The following MME variants were observed in gnomAD, a reference collection of about 807,000 sequenced individuals.
The protein encoded by MME is neprilysin.
A neutral mutation model predicts 113.2 loss-of-function variants in MME; 98 were observed. The ratio of observed to expected loss-of-function variants is 0.87; its 90% CI spans 0.74 to 1.02. MME has a LOEUF of 1.02. Ranked by LOEUF, MME falls within the 50% of genes least tolerant of loss-of-function variation. The probability of loss-of-function intolerance (pLI) is 0.00; values close to 1 mark genes in which losing one functional copy is unlikely to be tolerated. For missense variants in MME, 836 were observed against 896.0 expected (o/e 0.93, Z 0.86); for synonymous variants, 292 against 300.6 (o/e 0.97, Z 0.30).
At chr3:155,133,426 A>T (rs1720330819) in intron 8 of MME, among the ~76,000 whole-genome samples, 2 of 151,796 alleles carry the variant, frequency 1.3e-5, no homozygotes. Context: ...TGACCAGTTT[A>T]GCAGACTAGA....
chr3:155,138,915 G>C (rs115067625), intron 9 of MME, among the ~76,000 whole-genome samples: 2 of 151,980 alleles, frequency 1.3e-5, no homozygotes, highest in African/African-American at 4.8e-5. Flanking sequence ...TAAACCCATC[G>C]TCAGAGTCAG....
rs1713297143 is a variant in MME at position 155,183,573 on chromosome 3, G to A, written c.*3114G>A. ...TTTATCATTCTTGTTGCCACAGCTG[G>A]AGCTCTCAAACTAAAAGACATTTGT... is the stretch of plus-strand genomic sequence containing the variant. On this transcript the variant is annotated 3_prime_UTR_variant, in exon 23 of 23. Coordinates refer to ENST00000360490, the MANE Select transcript of MME (RefSeq NM_007289.4). The A allele has an allele frequency of 6.6e-6, 1 of 152,160 alleles. No individual in the cohort carries two copies. Among genetic ancestry groups the A allele is most frequent in the African/African-American group, 2.4e-5 (1 of 41,434 alleles). 9.4% of individuals were successfully genotyped at this position (152,160 alleles called of 1,614,324 possible). A position where few individuals can be genotyped will look rare whatever the true frequency, so the allele number is the denominator to read the frequency against.
chr3:155,168,030 G>A (rs893448182), intron 18 of MME, among the ~76,000 whole-genome samples: 2 of 152,200 alleles, frequency 1.3e-5, no homozygotes, highest in Non-Finnish European at 2.9e-5. Flanking sequence ...TGGCAAGGAA[G>A]CTGTAGGAGA....
At chr3:155,050,183 C>T (rs1044415288) in intron 1 of MME, among the ~76,000 whole-genome samples, 16 of 152,064 alleles carry the variant, frequency 1.1e-4, no homozygotes, top group African/African-American at 2.2e-4. Context: ...TTTATGGCTG[C>T]GTAGTATTCC....
At position 155,182,558 on chromosome 3, in the gene MME, CTAAG is replaced by C. The variant is rs1713199650; in HGVS notation, c.*2101_*2104del. 2.0e-5 allele frequency: 3 copies of C among 152,278 alleles called. No homozygotes were observed. In the South Asian group the frequency reaches 6.2e-4, roughly 32 times the overall value. 9.4% of individuals were successfully genotyped at this position (152,278 alleles called of 1,614,324 possible). A position where few individuals can be genotyped will look rare whatever the true frequency, so the allele number is the denominator to read the frequency against. On this transcript the variant is annotated 3_prime_UTR_variant, in exon 23 of 23. Transcript: ENST00000360490. ...TCCCTAAAATACATTTAAAACTTAC[CTAAG>C]TGACATTTGTAGTTGGAGTAATAGG...
At chr3:155,061,375 A>G (rs189240724) in intron 1 of MME, among the ~76,000 whole-genome samples, 1 of 147,158 alleles carries the variant, frequency 6.8e-6, no homozygotes, top group Admixed American at 6.9e-5. Context: ...GGCGTGAACC[A>G]GGGAGGCGGA....
At chr3:155,063,226 A>G (rs1559896563) in intron 1 of MME, among the ~76,000 whole-genome samples, 1 of 113,398 alleles carries the variant, frequency 8.8e-6, no homozygotes, top group African/African-American at 3.3e-5. Flanking sequence ...ATACATATGT[A>G]TATTATTATA....
chr3:155,152,538 A>G (rs912724355), intron 16 of MME, among the ~76,000 whole-genome samples: 9 of 152,148 alleles, frequency 5.9e-5, no homozygotes, highest in Non-Finnish European at 8.8e-5. Context: ...CTCAGCTGCT[A>G]AAATAAAAAT....
intron 1 of MME, among the ~76,000 whole-genome samples, chr3:155,032,703 T>C (rs1276963842): frequency 6.6e-6 from 1 of 152,060 alleles, no homozygotes; most frequent in Admixed American, 6.6e-5. Context: ...TTGCTTCTGG[T>C]CCCCCTGGGT....
intron 3 of MME, chr3:155,090,218 A>G (rs1716170983): frequency 6.6e-6 from 1 of 152,402 alleles, no homozygotes. Context: ...CACTCCTTTT[A>G]TTTTAATTCT....
At chr3:155,160,705 T>G (rs1315895154) in intron 17 of MME, among the ~76,000 whole-genome samples, 1 of 152,080 alleles carries the variant, frequency 6.6e-6, no homozygotes, top group East Asian at 1.9e-4. Context: ...TGGTTTATCT[T>G]ATTTCTAAAT....
At chr3:155,083,989 G>A (rs1715411367) in intron 1 of MME, 169 bp from the exon 2 acceptor site, 1 of 616,096 alleles carries the variant, frequency 1.6e-6, no homozygotes, top group Non-Finnish European at 2.9e-6. Flanking sequence ...AATTCATTTG[G>A]CTCTATATAC....
At chr3:155,034,246 T>A (rs1264019330) in intron 1 of MME, among the ~76,000 whole-genome samples, 4 of 152,206 alleles carry the variant, frequency 2.6e-5, no homozygotes, top group African/African-American at 9.6e-5. Flanking sequence ...GGGTGTGTTC[T>A]CTGACCATCA....
intron 1 of MME, among the ~76,000 whole-genome samples, chr3:155,048,519 C>T (rs1713643591): frequency 6.6e-6 from 1 of 152,132 alleles, no homozygotes. Flanking sequence ...ACTTAAATGA[C>T]AACAAATCTT....
chr3:155,132,324 C>T (rs1298060821), intron 8 of MME, among the ~76,000 whole-genome samples: 1 of 152,078 alleles, frequency 6.6e-6, no homozygotes, highest in Non-Finnish European at 1.5e-5. Context: ...TTCTAAAGAG[C>T]CAATTTATAA....
chr3:155,061,234 C>T, intron 1 of MME, among the ~76,000 whole-genome samples: 1 of 152,076 alleles, frequency 6.6e-6, no homozygotes, highest in Non-Finnish European at 1.5e-5. Context: ...GGGCAGATCA[C>T]GAGGTCTGGA....
rs1443008818 is a variant in MME, at chr3:155,142,035, G to C, written c.1002G>C (p.Val334=). Reference sequence around the variant, plus strand: ...TCACAAATGAAATCATGTCAACTGTGAATATTAGTATTACAAATGAGGAAG... The same window carrying C: ...TCACAAATGAAATCATGTCAACTGTCAATATTAGTATTACAAATGAGGAAG... ...LNFTNEIMST[V]NISITNEEDV... is the part of the protein sequence containing the mutation. The change falls in exon 11 of 23, where the codon GTG becomes GTC. Residue 334 remains valine, a synonymous_variant. Transcript: ENST00000360490. 6.2e-7 allele frequency: 1 copy of C among 1,613,458 alleles called. No individual in the cohort carries two copies. Among genetic ancestry groups the C allele is most frequent in the African/African-American group, 1.3e-5 (1 of 74,854 alleles).
intron 4 of MME, 68 bp from the exon 5 acceptor site, chr3:155,116,411 A>T: frequency 8.6e-7 from 1 of 1,166,930 alleles, no homozygotes; most frequent in Non-Finnish European, 1.3e-6. Flanking sequence ...ACTGCAAATG[A>T]GCAATTATGT....
intron 8 of MME, among the ~76,000 whole-genome samples, chr3:155,132,964 C>T (rs1157547929): frequency 6.8e-6 from 1 of 147,686 alleles, no homozygotes; most frequent in Non-Finnish European, 1.5e-5. Context: ...TCACTTGAAC[C>T]CAGGACGCGG....
Sources: allele counts gnomAD v4.1 joint callset (sites outside exome capture counted in the v4.1 genomes callset), GRCh38; gene constraint gnomAD v4.1.1; transcripts MANE v1.5; gene names NCBI Gene and HGNC (gene_info 2026-07-23, HGNC 2026-07-21).